RIPOR2: variants seen among roughly 807,000 people sequenced by gnomAD.
RIPOR2 encodes rho family-interacting cell polarization regulator 2.
RIPOR2 carries 39 observed loss-of-function variants against 114.5 expected under a neutral mutation model. That is an observed-to-expected ratio of 0.34 (90% CI 0.26 to 0.44). RIPOR2 has a LOEUF of 0.44. Among genes scored for constraint, RIPOR2 ranks in the 20% least tolerant of loss-of-function variants. The probability of loss-of-function intolerance (pLI) is 1.00; values close to 1 mark genes in which losing one functional copy is unlikely to be tolerated. For missense variants in RIPOR2, 1,007 were observed against 1,255.1 expected (o/e 0.80, Z 2.99); for synonymous variants, 445 against 484.4 (o/e 0.92, Z 1.07).
chr6:24,828,195 G>A lies in RIPOR2; in HGVS notation c.2607C>T (p.Tyr869=). Residue 869 remains tyrosine (Y), a synonymous_variant, in exon 18 of 22, where the codon TAC becomes TAT. Transcript: ENST00000643898. ...EVVTVFQYYS[Y]FTSHGVSDLE... is the part of the protein sequence containing the mutation. The stretch of plus-strand genomic sequence containing the variant: ...GGTCACTGACGCCGTGGCTGGTGAA[G>A]TAACTGTAATACTGGAAAACAGTGA... 6.4e-7 allele frequency: 1 copy of A among 1,551,262 alleles called. No homozygotes were observed. The highest frequency in any genetic ancestry group is 8.7e-7 in the Non-Finnish European group (1 of 1,146,710).
chr6:25,020,082 T>C (rs1411620731), intron 1 of RIPOR2, among the ~76,000 whole-genome samples: 1 of 152,144 alleles, frequency 6.6e-6, no homozygotes, highest in African/African-American at 2.4e-5. Flanking sequence ...CTCATTTGTA[T>C]AGTTCTTTAC....
At chr6:24,923,575 C>T (rs563364480) in intron 1 of RIPOR2, among the ~76,000 whole-genome samples, 2 of 152,000 alleles carry the variant, frequency 1.3e-5, no homozygotes, top group Admixed American at 1.3e-4. Flanking sequence ...CTGGGCGCGG[C>T]GGCTCACTCC....
At chr6:24,872,508 C>T (rs1765294027) in intron 4 of RIPOR2, among the ~76,000 whole-genome samples, 1 of 152,134 alleles carries the variant, frequency 6.6e-6, no homozygotes, top group Non-Finnish European at 1.5e-5. Context: ...CATGAGCTAC[C>T]GTGCCTGGAC....
intron 12 of RIPOR2, among the ~76,000 whole-genome samples, chr6:24,845,186 G>C (rs893077496): frequency 2.0e-5 from 3 of 152,140 alleles, no homozygotes; most frequent in African/African-American, 7.2e-5. Flanking sequence ...TACTCTATTA[G>C]TGATTATTGA....
chr6:25,028,394 G>A (rs1366466624), intron 1 of RIPOR2, among the ~76,000 whole-genome samples: 2 of 152,176 alleles, frequency 1.3e-5, no homozygotes, highest in African/African-American at 4.8e-5. Flanking sequence ...CCTAGTTCCA[G>A]CAGTGAAAAC....
intron 1 of RIPOR2, among the ~76,000 whole-genome samples, chr6:24,913,036 A>T (rs762161732): frequency 3.8e-4 from 58 of 152,172 alleles, no homozygotes; most frequent in Admixed American, 7.2e-4. Flanking sequence ...GTCAGATGTG[A>T]TTCCAAATCA....
In RIPOR2 at chr6:24,906,965, C is replaced by A. The variant is rs112097918; in HGVS notation, c.61+28873G>T. On this transcript the variant is annotated intron_variant, in intron 1 of 21. Coordinates refer to ENST00000643898, the MANE Select transcript of RIPOR2 (RefSeq NM_001286445.3). The stretch of plus-strand genomic sequence containing the variant: ...ATATGTTATATTTTTATATTGAATG[C>A]GATGTCTAACTTTGACCAGACCTTA... Among the ~76,000 whole-genome samples, 237 of 152,184 alleles carry A rather than the reference C, an allele frequency of 1.6e-3. 1 individual carries two copies. The highest frequency in any genetic ancestry group is 0.014 in the Middle Eastern group (4 of 294).
At chr6:24,933,790 C>G (rs1358570496) in intron 1 of RIPOR2, among the ~76,000 whole-genome samples, 1 of 152,070 alleles carries the variant, frequency 6.6e-6, no homozygotes, top group East Asian at 1.9e-4. Context: ...CGTTTGACTC[C>G]CAACTTATCA....
In RIPOR2 at chr6:24,839,130, G is replaced by A. The variant is rs376178541; in HGVS notation, c.2000C>T (p.Ala667Val). Residue 667 changes from alanine to valine, a missense_variant, in exon 14 of 22, where the codon GCT becomes GTT. By Grantham distance (64) the Ala-to-Val change is moderately conservative. Coordinates refer to ENST00000643898, the MANE Select transcript of RIPOR2 (RefSeq NM_001286445.3). ...CTCAGTGTCTGAAAATACTGAGTCA[G>A]CACCTCCGCCAACATTACAAACCTC... Reference protein sequence around the residue: ...GDEVCNVGGGADSVFSDTETE... With the variant: ...GDEVCNVGGGVDSVFSDTETE... The A allele has an allele frequency of 1.6e-5, 25 of 1,551,460 alleles. No individual in the cohort carries two copies. In the African/African-American group the frequency reaches 3.1e-4, roughly 20 times the overall value.
Position 24,985,430 on chromosome 6 carries a change from C to A in RIPOR2, c.76+56421G>T, listed in dbSNP as rs1263618321. 2.0e-5 allele frequency among the ~76,000 whole-genome samples: 3 copies of A among 151,856 alleles called. No homozygotes were observed. The East Asian group carries it at 5.8e-4, about 29-fold the overall frequency. The stretch of plus-strand genomic sequence containing the variant: ...GCTGCAAGTGATCAAAATCTCTTGA[C>A]AACAACAAGTTGCTGACTGGCCCTG... On this transcript the variant is annotated intron_variant, in intron 1 of 13. Coordinates refer to the RIPOR2 transcript ENST00000510784.
chr6:24,921,654 C>A (rs1001849780), intron 1 of RIPOR2, among the ~76,000 whole-genome samples: 1 of 149,858 alleles, frequency 6.7e-6, no homozygotes, highest in African/African-American at 2.4e-5. Flanking sequence ...ACTTATCGCC[C>A]CCCCCGACCC....
intron 1 of RIPOR2, among the ~76,000 whole-genome samples, chr6:24,975,358 G>A (rs1394549148): frequency 6.6e-6 from 1 of 152,154 alleles, no homozygotes; most frequent in Non-Finnish European, 1.5e-5. Context: ...AGAAAAAGAT[G>A]TACAGCACGG....
intron 1 of RIPOR2, among the ~76,000 whole-genome samples, chr6:24,968,556 G>A (rs1419254300): frequency 6.6e-6 from 1 of 152,182 alleles, no homozygotes; most frequent in African/African-American, 2.4e-5. Flanking sequence ...ATCTGGCAAT[G>A]TCTGGAGGCA....
In RIPOR2 at chr6:24,858,330, C is replaced by T. The variant is rs566208120; in HGVS notation, c.715+2643G>A. Among the ~76,000 whole-genome samples, 8 of 152,176 alleles carry T rather than the reference C, an allele frequency of 5.3e-5. No homozygotes were observed. Among genetic ancestry groups the T allele is most frequent in the African/African-American group, 1.9e-4 (8 of 41,514 alleles). On this transcript the variant is annotated intron_variant, in intron 8 of 21. Coordinates refer to ENST00000643898, the MANE Select transcript of RIPOR2 (RefSeq NM_001286445.3). The surrounding 1 kb of genome is among the most constrained non-coding windows in gnomAD (Gnocchi z 4.0). The stretch of plus-strand genomic sequence containing the variant: ...TGTCACTACCCCAAAAGGTTGTTTT[C>T]TAGTGTTGGGGTTGGGGCAAAAAGG...
chr6:25,017,183 T>C (rs1396527935), intron 1 of RIPOR2, among the ~76,000 whole-genome samples: 2 of 152,106 alleles, frequency 1.3e-5, no homozygotes, highest in Non-Finnish European at 2.9e-5. Flanking sequence ...CTACTAAAAA[T>C]ACAAAAATTA....
rs1777299409 is a variant in RIPOR2, at chr6:25,037,529, A to G, written c.76+4322T>C. 2.0e-5 allele frequency among the ~76,000 whole-genome samples: 3 copies of G among 152,134 alleles called. No individual in the cohort carries two copies. Among genetic ancestry groups the G allele is most frequent in the South Asian group, 4.1e-4 (2 of 4,822 alleles). On this transcript the variant is annotated intron_variant, in intron 1 of 13. Transcript: ENST00000510784. The surrounding 1 kb of genome is among the most constrained non-coding windows in gnomAD (Gnocchi z 4.5). ...GACACCAGATAGGTCCTTCTCCCGA[A>G]TGTCTGCTCAGTATCACACATGTGT...
At chr6:24,953,923 G>A (rs570591797) in intron 1 of RIPOR2, among the ~76,000 whole-genome samples, 1 of 152,060 alleles carries the variant, frequency 6.6e-6, no homozygotes, top group African/African-American at 2.4e-5. Context: ...CATTAAATTT[G>A]TCTGCTTTTC....
intron 11 of RIPOR2, 89 bp downstream of exon 11, chr6:24,849,713 G>T: frequency 8.6e-7 from 1 of 1,163,412 alleles, no homozygotes; most frequent in Non-Finnish European, 1.2e-6. Flanking sequence ...AAGCTCCCTG[G>T]TGATGCGGAT....
rs1436742224 is a variant in RIPOR2 at position 24,828,183 on chromosome 6, G to A, written c.2619C>T (p.His873=). Residue 873 remains histidine, a synonymous_variant, in exon 18 of 22, where the codon CAC becomes CAT. Coordinates refer to ENST00000643898, the MANE Select transcript of RIPOR2 (RefSeq NM_001286445.3). The part of the protein sequence containing the change: ...VFQYYSYFTS[H]GVSDLESYLS... ...GGTAACTCTCCAGGTCACTGACGCC[G>A]TGGCTGGTGAAGTAACTGTAATACT... 14 of 1,550,948 alleles carry A rather than the reference G, an allele frequency of 9.0e-6. No homozygotes were observed. Among genetic ancestry groups the A allele is most frequent in the Admixed American group, 2.0e-5 (1 of 50,932 alleles).
Sources: gnomAD v4.1 joint callset for allele counts (sites outside exome capture counted in the v4.1 genomes callset) on GRCh38, gnomAD v4.1.1 for gene constraint, Gnocchi (gnomAD v3.1) non-coding constraint, MANE v1.5 for transcripts, NCBI Gene and HGNC (gene_info 2026-07-23, HGNC 2026-07-21) for gene names.